The following ZC3H7B variants were observed in gnomAD, a reference collection of about 807,000 sequenced individuals.
ZC3H7B encodes the protein zinc finger CCCH domain-containing protein 7B.
ZC3H7B carries 35 observed loss-of-function variants against 116.0 expected under a neutral mutation model. The observed-to-expected ratio is 0.30, with a 90% CI of 0.23 to 0.40. The LOEUF is 0.40. ZC3H7B is among the 10% of genes least tolerant of loss of function. The pLI is 1.00. For synonymous variants in ZC3H7B, 502 were observed against 545.6 expected (o/e 0.92, Z 1.11); for missense variants, 1,011 against 1,321.5 (o/e 0.77, Z 3.64).
At chr22:41,341,294 C>A in intron 11 of ZC3H7B, 148 bp downstream of exon 11, 1 of 933,212 alleles carries the variant, frequency 1.1e-6, no homozygotes, top group Non-Finnish European at 1.6e-6. Context: ...AAGATGATCA[C>A]CTCGTGCCCT....
chr22:41,309,035 G>A (rs62238178), intron 1 of ZC3H7B, among the ~76,000 whole-genome samples: 45,713 of 99,218 alleles, frequency 0.46, 6,970 homozygotes, highest in Non-Finnish European at 0.55. Flanking sequence ...TTTTTGAGAC[G>A]GAGTTTCGCT....
At chr22:41,353,407 C>G (rs1327659584) in intron 17 of ZC3H7B, among the ~76,000 whole-genome samples, 1 of 152,220 alleles carries the variant, frequency 6.6e-6, no homozygotes, top group Admixed American at 6.5e-5. Context: ...CCCTGGCCCT[C>G]GTATCTCCTG....
At chr22:41,319,094 C>T (rs1357155617) in intron 1 of ZC3H7B, among the ~76,000 whole-genome samples, 1 of 152,132 alleles carries the variant, frequency 6.6e-6, no homozygotes, top group Non-Finnish European at 1.5e-5. Context: ...CATGGTGAAA[C>T]CCCATCTGTA....
Position 41,346,318 on chromosome 22 carries a change from T to C in ZC3H7B, c.1665+110T>C. 1 of 1,234,870 alleles carries C rather than the reference T, an allele frequency of 8.1e-7. No individual in the cohort carries two copies. Among genetic ancestry groups the C allele is most frequent in the Non-Finnish European group, 1.1e-6 (1 of 886,468 alleles). 76.5% of individuals were successfully genotyped at this position (1,234,870 alleles called of 1,614,324 possible). On this transcript the variant is annotated intron_variant, in intron 14 of 22. Transcript: ENST00000352645. This position sits in a 1 kb window ranked among gnomAD's most constrained non-coding sequence, Gnocchi z 5.3. ...AGTCAGCCCTGGAACCCGTGGGCTG[T>C]GGAGGCCTGGTCTTAGAACCAGTAG...
rs879901934 is a variant in ZC3H7B at position 41,301,725 on chromosome 22, C to T, written c.-54C>T. On this transcript the variant is annotated 5_prime_UTR_variant, in exon 1 of 23. Coordinates refer to ENST00000352645, the MANE Select transcript of ZC3H7B (RefSeq NM_017590.6). Reference sequence around the variant, plus strand: ...AATCATACCTCTAGTCATAGCATACCATTTATCGGGCTCGGCGCAGGCCCG... The same window carrying T: ...AATCATACCTCTAGTCATAGCATACTATTTATCGGGCTCGGCGCAGGCCCG... 2 of 152,054 alleles carry T rather than the reference C, an allele frequency of 1.3e-5. No homozygotes were observed. Among genetic ancestry groups the T allele is most frequent in the African/African-American group, 2.4e-5 (1 of 41,414 alleles). 9.4% of individuals were successfully genotyped at this position (152,054 alleles called of 1,614,324 possible).
chr22:41,356,227 G>T, intron 20 of ZC3H7B, 116 bp from the exon 21 acceptor site: 1 of 1,541,176 alleles, frequency 6.5e-7, no homozygotes, highest in South Asian at 1.3e-5. Flanking sequence ...CCCTGAGGCT[G>T]AGCGGCCTAT....
chr22:41,309,241 A>G (rs1310484804), intron 1 of ZC3H7B, among the ~76,000 whole-genome samples: 1 of 150,534 alleles, frequency 6.6e-6, no homozygotes, highest in Non-Finnish European at 1.5e-5. Context: ...CGATCTCCTG[A>G]CCTCGTGATC....
At chr22:41,307,402 G>T (rs2036058320) in intron 1 of ZC3H7B, among the ~76,000 whole-genome samples, 1 of 152,118 alleles carries the variant, frequency 6.6e-6, no homozygotes, top group Non-Finnish European at 1.5e-5. Flanking sequence ...TTCTTTGCAG[G>T]CATGTTGGTT....
At chr22:41,315,352 G>T (rs993985889) in intron 1 of ZC3H7B, among the ~76,000 whole-genome samples, 52 of 118,844 alleles carry the variant, frequency 4.4e-4, no homozygotes, top group South Asian at 1.1e-3. Context: ...AATTTCTAGT[G>T]TTTTTTTTTT....
intron 12 of ZC3H7B, 43 bp from the exon 13 acceptor site, chr22:41,343,372 A>G (rs758349251): frequency 3.1e-5 from 49 of 1,579,774 alleles, no homozygotes; most frequent in South Asian, 2.6e-4. Flanking sequence ...TCACTCTTCA[A>G]TTCTGCTTCC....
Position 41,341,146 on chromosome 22 carries a change from G to A in ZC3H7B, c.1197G>A (p.Ser399=). 1 of 1,613,906 alleles carries A rather than the reference G, an allele frequency of 6.2e-7. No homozygotes were observed. Among genetic ancestry groups the A allele is most frequent in the Non-Finnish European group, 8.5e-7 (1 of 1,179,882 alleles). Residue 399 remains serine, a splice_region_variant and synonymous_variant, in exon 11 of 23, where the codon TCG becomes TCA. Transcript: ENST00000352645. ...GCGGTGCTCAGAAACCAGCCCCCTCGGTGAGTGACTTGAGTGGGGATCCAG... is the reference window on the plus strand; with the variant it reads ...GCGGTGCTCAGAAACCAGCCCCCTCAGTGAGTGACTTGAGTGGGGATCCAG... ...PPSGAQKPAP[S]PEPCMPNTAL...
chr22:41,319,963 G>A (rs1400221334), intron 1 of ZC3H7B, among the ~76,000 whole-genome samples: 1 of 151,764 alleles, frequency 6.6e-6, no homozygotes, highest in Non-Finnish European at 1.5e-5. Context: ...CCCAGGAGGT[G>A]GAGGTTGCAG....
chr22:41,305,286 A>C (rs2036025518), intron 1 of ZC3H7B, among the ~76,000 whole-genome samples: 1 of 151,284 alleles, frequency 6.6e-6, no homozygotes. Context: ...CGGAGCTTGC[A>C]GTGAGCCGAG....
chr22:41,317,544 C>T (rs1202860751), intron 1 of ZC3H7B, among the ~76,000 whole-genome samples: 1 of 152,032 alleles, frequency 6.6e-6, no homozygotes, highest in African/African-American at 2.4e-5. Context: ...ATTCCCAGCA[C>T]TGTGGGAGAC....
chr22:41,339,574 C>T (rs1432754432), intron 9 of ZC3H7B, among the ~76,000 whole-genome samples: 2 of 149,326 alleles, frequency 1.3e-5, no homozygotes, highest in Non-Finnish European at 3.0e-5. Flanking sequence ...TGCAGTGAGC[C>T]GAGATCACAC....
intron 4 of ZC3H7B, 71 bp downstream of exon 4, chr22:41,325,989 C>G: frequency 6.6e-7 from 1 of 1,513,004 alleles, no homozygotes; most frequent in African/African-American, 1.4e-5. Flanking sequence ...CGAGCCAGGC[C>G]CATACCCCAG....
At chr22:41,342,308 C>G (rs1176778495) in intron 11 of ZC3H7B, among the ~76,000 whole-genome samples, 1 of 152,182 alleles carries the variant, frequency 6.6e-6, no homozygotes, top group African/African-American at 2.4e-5. Flanking sequence ...GGACCATATG[C>G]TGGGACCAAG....
chr22:41,329,031 C>CAAAAAAAAAAA (rs905189346), intron 5 of ZC3H7B, among the ~76,000 whole-genome samples: 9 of 40,410 alleles, frequency 2.2e-4, no homozygotes, highest in Admixed American at 6.4e-4. Flanking sequence ...TACTAAAATA[C>CAAAAAAAAAAA]AAAAAAAAAA....
chr22:41,317,165 A>G (rs754995182), intron 1 of ZC3H7B, among the ~76,000 whole-genome samples: 3 of 151,790 alleles, frequency 2.0e-5, no homozygotes, highest in Non-Finnish European at 2.9e-5. Context: ...TTTTTGGTAG[A>G]GATGGGGTTT....
Sources: gnomAD v4.1 joint callset for allele counts (sites outside exome capture counted in the v4.1 genomes callset) on GRCh38, gnomAD v4.1.1 for gene constraint, Gnocchi (gnomAD v3.1) non-coding constraint, MANE v1.5 for transcripts, NCBI Gene and HGNC (gene_info 2026-07-23, HGNC 2026-07-21) for gene names.